RAB11FIP4: variants seen among roughly 807,000 people sequenced by gnomAD.
The protein encoded by RAB11FIP4 is RAB11 family interacting protein 4, also known as rab11 family-interacting protein 4.
In RAB11FIP4, 23 loss-of-function variants were observed where a neutral mutation model predicts 74.3. The ratio of observed to expected loss-of-function variants is 0.31; its 90% CI spans 0.22 to 0.44. The LOEUF (loss-of-function observed/expected upper bound fraction) is 0.44. Ranked by LOEUF, RAB11FIP4 falls within the 20% of genes least tolerant of loss-of-function variation. RAB11FIP4 has a pLI of 1.00. For missense variants in RAB11FIP4, 630 were observed against 863.9 expected (o/e 0.73, Z 3.39); for synonymous variants, 360 against 359.9 (o/e 1.00, Z 0.00).
In RAB11FIP4 at chr17:31,437,114, C is replaced by T. The variant is rs146510626; in HGVS notation, c.336+2992C>T. On this transcript the variant is annotated intron_variant, in intron 3 of 14. Transcript: ENST00000621161. ...TCTGCCCTCCATGGAGGTCTGGCCC[C>T]GGCTTGGTTGGCCAGAGCCTAGTGA... is the stretch of plus-strand genomic sequence containing the variant. Among the ~76,000 whole-genome samples the T allele has an allele frequency of 3.7e-3, 566 of 152,206 alleles. 1 individual carries two copies. Among genetic ancestry groups the T allele is most frequent in the Non-Finnish European group, 6.0e-3 (411 of 68,004 alleles).
At chr17:31,455,267 A>G (rs1300789336) in intron 3 of RAB11FIP4, among the ~76,000 whole-genome samples, 5 of 152,198 alleles carry the variant, frequency 3.3e-5, no homozygotes, top group Non-Finnish European at 4.4e-5. Context: ...AGGGCAGTAT[A>G]TTCTGGGAAG....
chr17:31,464,749 CTTTTTTTTTTTTTTT>C (rs58083480), intron 3 of RAB11FIP4, among the ~76,000 whole-genome samples: 3 of 39,636 alleles, frequency 7.6e-5, no homozygotes, highest in Admixed American at 4.2e-4. Context: ...CTGTGCCCGG[CTTTTTTTTTTTTTTT>C]TTTTTTTTTT....
intron 3 of RAB11FIP4, among the ~76,000 whole-genome samples, chr17:31,476,110 G>C (rs1025374638): frequency 8.1e-5 from 12 of 148,062 alleles, no homozygotes; most frequent in African/African-American, 3.0e-4. Context: ...CAGTATTCAC[G>C]ATTCTGTGTT....
rs779061766 is a variant in RAB11FIP4 at position 31,521,386 on chromosome 17, T to C, written c.758+26T>C. ...GTGGCCCCTTGGTCTGGGATGTCATTTGGGGTCAAAAGTTGCAGAAGCAAT... is the reference window on the plus strand; with the variant it reads ...GTGGCCCCTTGGTCTGGGATGTCATCTGGGGTCAAAAGTTGCAGAAGCAAT... On this transcript the variant is annotated intron_variant, in intron 5 of 14. Transcript: ENST00000621161. The C allele has an allele frequency of 3.8e-5, 60 of 1,565,810 alleles. No individual in the cohort carries two copies. In the East Asian group the frequency reaches 1.3e-3, roughly 35 times the overall value.
intron 3 of RAB11FIP4, among the ~76,000 whole-genome samples, chr17:31,495,912 A>G (rs948918725): frequency 2.6e-5 from 4 of 152,114 alleles, no homozygotes; most frequent in African/African-American, 4.8e-5. Context: ...TCACACTTAC[A>G]TGGTATTTTC....
rs73279865 is a variant in RAB11FIP4, at chr17:31,519,368, A to G, written c.563+1491A>G. Reference sequence around the variant, plus strand: ...CTCTGCTATATTTTCTATATTGAGCATGTACTCCCATAATCAGAAATGTTA... The same window carrying G: ...CTCTGCTATATTTTCTATATTGAGCGTGTACTCCCATAATCAGAAATGTTA... On this transcript the variant is annotated intron_variant, in intron 4 of 14. Transcript: ENST00000621161. 1.9e-3 allele frequency among the ~76,000 whole-genome samples: 297 copies of G among 152,314 alleles called. 1 individual carries two copies. The highest frequency in any genetic ancestry group is 6.9e-3 in the African/African-American group (286 of 41,562).
intron 3 of RAB11FIP4, among the ~76,000 whole-genome samples, chr17:31,461,511 G>A (rs1362829820): frequency 6.6e-6 from 1 of 152,200 alleles, no homozygotes; most frequent in South Asian, 2.1e-4. Flanking sequence ...AGAGTATGCA[G>A]CATTTGCAGA....
In RAB11FIP4 at chr17:31,478,634, C is replaced by A. The variant is rs909505010; in HGVS notation, c.337-39017C>A. On this transcript the variant is annotated intron_variant, in intron 3 of 14. Transcript: ENST00000621161. ...ACAAATACTGCTTCCTTCCCTCCCT[C>A]CCTGGAGCCCTGGCCTCATACTGCT... is the stretch of plus-strand genomic sequence containing the variant. Among the ~76,000 whole-genome samples the A allele has an allele frequency of 3.7e-4, 57 of 152,214 alleles. 1 individual carries two copies. Among genetic ancestry groups the A allele is most frequent in the Non-Finnish European group, 1.5e-5 (1 of 68,042 alleles).
intron 3 of RAB11FIP4, among the ~76,000 whole-genome samples, chr17:31,516,868 A>C (rs1045981875): frequency 6.6e-6 from 1 of 152,162 alleles, no homozygotes; most frequent in Admixed American, 6.5e-5. Context: ...AATACCATCT[A>C]GAGGTTTCCC....
chr17:31,401,401 A>G (rs2070984718), intron 1 of RAB11FIP4, among the ~76,000 whole-genome samples: 1 of 152,206 alleles, frequency 6.6e-6, no homozygotes, highest in Non-Finnish European at 1.5e-5. Flanking sequence ...CTGAGGACCC[A>G]TTGTCCATAG....
At chr17:31,443,002 C>T (rs1176526047) in intron 3 of RAB11FIP4, among the ~76,000 whole-genome samples, 1 of 151,998 alleles carries the variant, frequency 6.6e-6, no homozygotes, top group African/African-American at 2.4e-5. Flanking sequence ...TTAAAACTGC[C>T]TAATACTAAT....
At chr17:31,489,918 C>T (rs909843255) in intron 3 of RAB11FIP4, among the ~76,000 whole-genome samples, 13 of 152,152 alleles carry the variant, frequency 8.5e-5, no homozygotes, top group African/African-American at 2.2e-4. Flanking sequence ...AGGCGAGGGG[C>T]GGGACTAGCC....
chr17:31,415,847 GC>G (rs1200110925), intron 1 of RAB11FIP4, among the ~76,000 whole-genome samples: 1 of 152,098 alleles, frequency 6.6e-6, no homozygotes, highest in Admixed American at 6.5e-5. Flanking sequence ...CTGGCTGGTG[GC>G]CCCTCTGCCT....
chr17:31,434,405 G>A (rs2071339427), intron 3 of RAB11FIP4, among the ~76,000 whole-genome samples: 1 of 152,168 alleles, frequency 6.6e-6, no homozygotes, highest in Non-Finnish European at 1.5e-5. Flanking sequence ...CAAGTGGAGG[G>A]GAGGCAGGAC....
intron 3 of RAB11FIP4, among the ~76,000 whole-genome samples, chr17:31,447,166 C>A (rs1335658250): frequency 6.6e-6 from 1 of 152,208 alleles, no homozygotes; most frequent in Non-Finnish European, 1.5e-5. Flanking sequence ...CGCCTGTAGT[C>A]CCAGCTACTC....
intron 1 of RAB11FIP4, among the ~76,000 whole-genome samples, chr17:31,397,758 G>A (rs530951953): frequency 6.6e-6 from 1 of 152,170 alleles, no homozygotes; most frequent in African/African-American, 2.4e-5. Context: ...GCGGGAGGAC[G>A]AGTCCTAGCT....
At position 31,522,000 on chromosome 17, in the gene RAB11FIP4, A is replaced by G. The variant is rs192634486; in HGVS notation, c.844A>G (p.Asn282Asp). ...CTGCTCTCAATGCTGCAAGAAAATC[A>G]ACCTGCTCAATGACTTGGAAGCCCG... ...VYCSQCCKKI[N>D]LLNDLEARLK... is the part of the protein sequence containing the mutation. Residue 282 changes from asparagine to aspartate, a missense_variant, in exon 6 of 15, where the codon AAC becomes GAC. Transcript: ENST00000621161. The G allele has an allele frequency of 6.2e-7, 1 of 1,614,178 alleles. No individual in the cohort carries two copies. The highest frequency in any genetic ancestry group is 1.3e-5 in the African/African-American group (1 of 75,046).
In RAB11FIP4 at chr17:31,538,145, G is replaced by C. The variant is rs1167772333; in HGVS notation, c.*6413G>C. Reference sequence around the variant, plus strand: ...CTGCCCCAAAAGGAACAGGCTGTTGGTGGCAGGCTCCTCCCGGGGAGCTGT... The same window carrying C: ...CTGCCCCAAAAGGAACAGGCTGTTGCTGGCAGGCTCCTCCCGGGGAGCTGT... On this transcript the variant is annotated 3_prime_UTR_variant, in exon 15 of 15. Coordinates refer to ENST00000621161, the MANE Select transcript of RAB11FIP4 (RefSeq NM_032932.6). 6.6e-6 allele frequency: 1 copy of C among 152,388 alleles called. No homozygotes were observed. The allele number at this position is 152,388 out of a possible 1,614,324, so 9.4% of individuals were successfully genotyped here.
chr17:31,445,576 A>ATT (rs1567658421), intron 3 of RAB11FIP4, among the ~76,000 whole-genome samples: 18 of 10,006 alleles, frequency 1.8e-3, no homozygotes, highest in Non-Finnish European at 2.7e-3. Flanking sequence ...ATATATATAT[A>ATT]TATTTTTTTT....
Sources: gnomAD v4.1 joint callset for allele counts (sites outside exome capture counted in the v4.1 genomes callset) on GRCh38, gnomAD v4.1.1 for gene constraint, MANE v1.5 for transcripts, NCBI Gene and HGNC (gene_info 2026-07-23, HGNC 2026-07-21) for gene names.